ARL13B: variants seen among roughly 807,000 people sequenced by gnomAD.
ARL13B encodes ADP-ribosylation factor-like protein 13B.
Under a neutral mutation model 56.1 loss-of-function variants are expected in ARL13B, and 36 were observed. The ratio of observed to expected loss-of-function variants is 0.64; its 90% confidence interval spans 0.49 to 0.85. ARL13B has a LOEUF of 0.85. Among genes scored for constraint, ARL13B ranks in the 40% least tolerant of loss-of-function variants. The pLI, the probability that ARL13B is intolerant of heterozygous loss-of-function variation, is 0.00. For synonymous variants in ARL13B, 178 were observed against 171.1 expected, an observed-to-expected ratio of 1.04 and a Z score of -0.32; for missense variants, 519 against 507.1, an observed-to-expected ratio of 1.02 and a Z score of -0.23.
At chr3:94,006,038 C>T (rs543121721) in intron 3 of ARL13B, among the ~76,000 whole-genome samples, 150 of 152,196 alleles carry the variant, frequency 9.9e-4, no homozygotes, top group African/African-American at 3.5e-3. Context: ...CGGTGGCTCA[C>T]GCCTGTAATC....
intron 3 of ARL13B, among the ~76,000 whole-genome samples, chr3:94,031,046 G>A (rs2076668209): frequency 6.6e-6 from 1 of 152,012 alleles, no homozygotes; most frequent in Non-Finnish European, 1.5e-5. Context: ...TCGAACACTA[G>A]CTGGGCATAG....
At chr3:94,039,823 T>G in intron 5 of ARL13B, 57 bp from the exon 6 acceptor site, 1 of 1,498,560 alleles carries the variant, frequency 6.7e-7, no homozygotes, top group Non-Finnish European at 9.2e-7. Flanking sequence ...CAGTTTTCTT[T>G]AACATGGTTC....
chr3:94,045,371 C>G (rs1326993196), intron 7 of ARL13B, among the ~76,000 whole-genome samples: 1 of 151,302 alleles, frequency 6.6e-6, no homozygotes, highest in Non-Finnish European at 1.5e-5. Context: ...TATCTGCTGA[C>G]CTTCTCTCCA....
rs527758943 is a variant in ARL13B at position 93,994,766 on chromosome 3, G to C, written c.60-1108G>C. ...CCTCATACTCTCACCTCTGTCTTCT[G>C]TCTTTGTTATATGGCCCCTTCAAGT... On this transcript the variant is annotated intron_variant, in intron 1 of 9. Transcript: ENST00000394222. Among the ~76,000 whole-genome samples the C allele has an allele frequency of 8.0e-5, 12 of 150,906 alleles. No individual in the cohort carries two copies. The East Asian group carries it at 2.3e-3, about 29-fold the overall frequency.
chr3:93,998,467 C>A (rs2107400100), intron 2 of ARL13B, among the ~76,000 whole-genome samples: 1 of 152,278 alleles, frequency 6.6e-6, no homozygotes, highest in East Asian at 1.9e-4. Flanking sequence ...CATATTTACT[C>A]TTCAGTTTCT....
In ARL13B at chr3:93,980,419, C is replaced by G. The variant is rs780154643; in HGVS notation, c.-5C>G. The G allele has an allele frequency of 6.2e-7, 1 of 1,612,148 alleles. No homozygotes were observed. ...GATGGGAAGTGGTGGGAGGAGCGAC[C>G]CGGGATGTTCAGTCTGATGGCCAGT... On this transcript the variant is annotated 5_prime_UTR_variant, in exon 1 of 10. Transcript: ENST00000394222.
chr3:93,994,726 C>G lies in ARL13B; in HGVS notation c.60-1148C>G, dbSNP rs541789663. 1.4e-4 allele frequency among the ~76,000 whole-genome samples: 21 copies of G among 152,052 alleles called. 1 individual carries two copies. The highest frequency in any genetic ancestry group is 4.8e-4 in the African/African-American group (20 of 41,474). ...GAGTTTGTTCTTTCCCAGCTTGTGA[C>G]CCATAGCTAGACTGCCTCATACTCT... On this transcript the variant is annotated intron_variant, in intron 1 of 9. Coordinates refer to ENST00000394222, the MANE Select transcript of ARL13B (RefSeq NM_001174150.2).
chr3:93,981,089 TAAAAC>T (rs1710192379), intron 1 of ARL13B, among the ~76,000 whole-genome samples: 2 of 152,238 alleles, frequency 1.3e-5, no homozygotes, highest in Admixed American at 1.3e-4. Flanking sequence ...CGGTCTCTAG[TAAAAC>T]CTTTTAATTG....
chr3:94,026,080 C>T (rs2076551259), intron 3 of ARL13B, among the ~76,000 whole-genome samples: 1 of 149,722 alleles, frequency 6.7e-6, no homozygotes, highest in Non-Finnish European at 1.5e-5. Context: ...AGTGCAGTGG[C>T]ACCATCTCGG....
rs1157048200 is a variant in ARL13B, at chr3:94,014,631, T to A, written c.380+10723T>A. On this transcript the variant is annotated intron_variant, in intron 3 of 9. Transcript: ENST00000394222. ...AATTAACAAGTTCCTTGTGTCTCTGTTCAATCTCTGAAAGTTGTGCTTTAG... is the reference window on the plus strand; with the variant it reads ...AATTAACAAGTTCCTTGTGTCTCTGATCAATCTCTGAAAGTTGTGCTTTAG... 10 of 1,613,666 alleles carry A rather than the reference T, an allele frequency of 6.2e-6. No individual in the cohort carries two copies. The highest frequency in any genetic ancestry group is 8.5e-6 in the Non-Finnish European group (10 of 1,179,958).
chr3:94,017,812 A>G (rs2076363467), intron 3 of ARL13B, among the ~76,000 whole-genome samples: 1 of 152,178 alleles, frequency 6.6e-6, no homozygotes, highest in Non-Finnish European at 1.5e-5. Flanking sequence ...TGGGTTGCCA[A>G]GGCAGTGAAT....
intron 3 of ARL13B, among the ~76,000 whole-genome samples, chr3:94,005,255 A>G (rs1183607774): frequency 6.6e-6 from 1 of 152,206 alleles, no homozygotes; most frequent in Non-Finnish European, 1.5e-5. Context: ...CAGACTAAAT[A>G]TAATTAATAA....
At chr3:94,012,940 C>T (rs182514039) in intron 3 of ARL13B, among the ~76,000 whole-genome samples, 1 of 152,272 alleles carries the variant, frequency 6.6e-6, no homozygotes, top group East Asian at 1.9e-4. Flanking sequence ...CTAGAAAAAT[C>T]TGAGATCCTT....
chr3:94,006,584 C>G (rs1379130881), intron 3 of ARL13B, among the ~76,000 whole-genome samples: 1 of 152,046 alleles, frequency 6.6e-6, no homozygotes, highest in Non-Finnish European at 1.5e-5. Flanking sequence ...CTTGCCTGCC[C>G]CCCAAGCTCT....
chr3:94,053,310 G>C lies in ARL13B; in HGVS notation c.*47G>C, dbSNP rs188567962. 1 of 1,506,584 alleles carries C rather than the reference G, an allele frequency of 6.6e-7. No homozygotes were observed. Among genetic ancestry groups the C allele is most frequent in the East Asian group, 2.3e-5 (1 of 44,332 alleles). The allele number at this position is 1,506,584 out of a possible 1,614,324, so 93.3% of individuals were successfully genotyped here. ...TCTTAATATCAGCAAGGTGAACTGG[G>C]ACATTCTTCTTTCTCAGAAGAAGAA... On this transcript the variant is annotated 3_prime_UTR_variant, in exon 10 of 10. Transcript: ENST00000394222.
chr3:94,012,375 C>T (rs1373837581), intron 3 of ARL13B, among the ~76,000 whole-genome samples: 1 of 152,160 alleles, frequency 6.6e-6, no homozygotes, highest in Non-Finnish European at 1.5e-5. Context: ...CTGAAACCTT[C>T]GTCTCTGACT....
intron 9 of ARL13B, 52 bp downstream of exon 9, chr3:94,050,944 TTTTC>T: frequency 2.0e-6 from 3 of 1,537,468 alleles, no homozygotes; most frequent in Non-Finnish European, 2.7e-6. Flanking sequence ...TCACATTCAC[TTTTC>T]TTTAGCCTTA....
At position 94,054,715 on chromosome 3, in the gene ARL13B, GTACTC is replaced by G. The variant is rs1333835555; in HGVS notation, c.*1455_*1459del. On this transcript the variant is annotated 3_prime_UTR_variant, in exon 10 of 10. Transcript: ENST00000394222. ...CTGAACTTTAATAATCAGGTCACCTGTACTCTAGTCAGCACTGTATATATTCTTGG... is the reference window on the plus strand; with the variant it reads ...CTGAACTTTAATAATCAGGTCACCTGTAGTCAGCACTGTATATATTCTTGG... The G allele has an allele frequency of 2.4e-6, 1 of 411,122 alleles. No homozygotes were observed. The highest frequency in any genetic ancestry group is 4.8e-6 in the Non-Finnish European group (1 of 208,130). 25.5% of individuals were successfully genotyped at this position (411,122 alleles called of 1,614,324 possible). A position where few individuals can be genotyped will look rare whatever the true frequency, so the allele number is the denominator to read the frequency against.
chr3:94,012,646 C>T (rs947359535), intron 3 of ARL13B, among the ~76,000 whole-genome samples: 1 of 152,104 alleles, frequency 6.6e-6, no homozygotes, highest in African/African-American at 2.4e-5. Context: ...ATAGTGTCTA[C>T]TTCATACTTT....
Sources: gnomAD v4.1 joint callset for allele counts (sites outside exome capture counted in the v4.1 genomes callset) on GRCh38, gnomAD v4.1.1 for gene constraint, MANE v1.5 for transcripts, NCBI Gene and HGNC (gene_info 2026-07-23, HGNC 2026-07-21) for gene names.